The following OFD1 variants were observed in gnomAD, a reference collection of about 807,000 sequenced individuals.
The protein encoded by OFD1 is centriole and centriolar satellite protein OFD1.
A neutral mutation model predicts 81.4 loss-of-function variants in OFD1; 12 were observed. The observed-to-expected ratio is 0.15, with a 90% CI of 0.09 to 0.24. The LOEUF (loss-of-function observed/expected upper bound fraction) is 0.24, where lower values mean the gene tolerates loss of function less well. Ranked by LOEUF, OFD1 falls within the 10% of genes least tolerant of loss-of-function variation. The pLI, the probability that OFD1 is intolerant of heterozygous loss-of-function variation, is 1.00. For synonymous variants in OFD1, 256 were observed against 263.7 expected (o/e 0.97, Z 0.28); for missense variants, 685 against 733.9 (o/e 0.93, Z 0.77).
chrX:13,727,071 T>C, the OFD1 span, among the ~76,000 whole-genome samples: 4 of 112,090 alleles, frequency 3.6e-5, no homozygotes, highest in African/African-American at 1.3e-4. Context: ...CCTAAATATA[T>C]ATGCACCCAA....
At chrX:13,762,975 G>T (rs2047993929) in intron 18 of OFD1, among the ~76,000 whole-genome samples, 1 of 111,729 alleles carries the variant, frequency 9.0e-6, no homozygotes, top group Admixed American at 9.4e-5. Context: ...TCACCATATT[G>T]GCCAGGCTGG....
Position 13,749,121 on chromosome X carries a change from C to CA in OFD1, c.829-287dup, listed in dbSNP as rs35839446. ...TGTGTGACAGAGTGAGACCCTGTCTCAAAAAAAAAAAAAAAAAAATTTTTT... is the reference window on the plus strand; with the variant it reads ...TGTGTGACAGAGTGAGACCCTGTCTCAAAAAAAAAAAAAAAAAAAATTTTTT... On this transcript the variant is annotated intron_variant, in intron 8 of 22. Transcript: ENST00000340096. 0.33 allele frequency among the ~76,000 whole-genome samples: 22,614 copies of CA among 68,748 alleles called. 3,123 individuals are homozygous for CA. Among genetic ancestry groups the CA allele is most frequent in the South Asian group, 0.48 (599 of 1,256 alleles). 59.7% of individuals were successfully genotyped at this position (68,748 alleles called of 115,157 possible).
intron 21 of OFD1, among the ~76,000 whole-genome samples, chrX:13,768,440 A>G (rs1401099405): frequency 8.9e-6 from 1 of 112,417 alleles, no homozygotes; most frequent in Non-Finnish European, 1.9e-5. Flanking sequence ...GATTTAAGAG[A>G]TTTTAATTTG....
chrX:13,727,716 A>G, the OFD1 span, among the ~76,000 whole-genome samples: 1 of 112,172 alleles, frequency 8.9e-6, no homozygotes, highest in Admixed American at 9.5e-5. Flanking sequence ...AAACAAATTC[A>G]AAAGCTAGCA....
chrX:13,755,481 G>A (rs2047666157), intron 12 of OFD1, among the ~76,000 whole-genome samples: 1 of 111,510 alleles, frequency 9.0e-6, no homozygotes, highest in Non-Finnish European at 1.9e-5. Flanking sequence ...GTCTCTAACT[G>A]CTTGTGTGTC....
rs148840229 is a variant in OFD1, at chrX:13,738,595, T to C, written c.313-251T>C. 1.4e-3 allele frequency: 422 copies of C among 302,778 alleles called. 1 individual carries two copies. The highest frequency in any genetic ancestry group is 1.0e-2 in the African/African-American group (375 of 37,660). The allele number at this position is 302,778 out of a possible 1,213,427, so 25.0% of individuals were successfully genotyped here. A position where few individuals can be genotyped will look rare whatever the true frequency, so the allele number is the denominator to read the frequency against. On this transcript the variant is annotated intron_variant, in intron 3 of 22. Coordinates refer to ENST00000340096, the MANE Select transcript of OFD1 (RefSeq NM_003611.3). Reference sequence around the variant, plus strand: ...CTGTAAGGCATTAAACATTTAGGCATATCATCTTTGATGTGAAGTACTTAG... The same window carrying C: ...CTGTAAGGCATTAAACATTTAGGCACATCATCTTTGATGTGAAGTACTTAG...
chrX:13,729,582 T>C, the OFD1 span, among the ~76,000 whole-genome samples: 1 of 112,011 alleles, frequency 8.9e-6, no homozygotes, highest in Non-Finnish European at 1.9e-5. Flanking sequence ...TCCTTACACC[T>C]TATACAAAAA....
chrX:13,735,507 TAC>T (rs2046825600), intron 2 of OFD1, among the ~76,000 whole-genome samples, 161 bp downstream of exon 2: 1 of 112,740 alleles, frequency 8.9e-6, no homozygotes, highest in Non-Finnish European at 1.9e-5. Flanking sequence ...CCTGAAACAT[TAC>T]AGTCTCTTGA....
upstream of OFD1, among the ~76,000 whole-genome samples, chrX:13,730,516 T>A (rs76440382): frequency 0.29 from 31,629 of 110,791 alleles, 3,403 homozygotes; most frequent in South Asian, 0.48. Context: ...TGGCGATTCC[T>A]CAAGGATCTA....
chrX:13,761,453 T>C (rs1034728501), intron 17 of OFD1, among the ~76,000 whole-genome samples: 5 of 111,908 alleles, frequency 4.5e-5, no homozygotes, highest in African/African-American at 1.6e-4. Flanking sequence ...AAACTTGATA[T>C]ATGGACCATG....
the OFD1 span, among the ~76,000 whole-genome samples, chrX:13,719,106 G>A: frequency 9.0e-6 from 1 of 111,411 alleles, no homozygotes; most frequent in African/African-American, 3.3e-5. Flanking sequence ...GCAGTGAGCT[G>A]AGATCGTGTC....
chrX:13,761,363 T>G (rs1472018929), intron 17 of OFD1, 152 bp downstream of exon 17: 1 of 574,871 alleles, frequency 1.7e-6, no homozygotes, highest in Non-Finnish European at 2.8e-6. Context: ...CAAAATGATA[T>G]GTCATCTTTG....
intron 21 of OFD1, 144 bp from the exon 22 acceptor site, chrX:13,768,574 T>G (rs1397285653): frequency 2.7e-5 from 14 of 526,169 alleles, no homozygotes; most frequent in Non-Finnish European, 1.0e-5. Context: ...TTTATTTTGA[T>G]GTGCTTGCTA....
chrX:13,734,606 C>G (rs1369168929), upstream of OFD1: 22 of 750,695 alleles, frequency 2.9e-5, no homozygotes, highest in Non-Finnish European at 3.5e-5. Flanking sequence ...GCCAGAACGC[C>G]GAAGCAGTTC....
chrX:13,747,186 A>G (rs1208218355), intron 8 of OFD1, among the ~76,000 whole-genome samples: 6 of 112,128 alleles, frequency 5.4e-5, no homozygotes, highest in Admixed American at 4.7e-4. Flanking sequence ...AGTTGGGATT[A>G]TGAGAAACAC....
intron 17 of OFD1, among the ~76,000 whole-genome samples, chrX:13,762,123 C>T (rs2047958611): frequency 9.0e-6 from 1 of 110,701 alleles, no homozygotes; most frequent in South Asian, 3.8e-4. Flanking sequence ...AACTGTAGTA[C>T]CTACTTCACA....
chrX:13,716,523 G>A, the OFD1 span: 15 of 1,211,392 alleles, frequency 1.2e-5, no homozygotes, highest in Non-Finnish European at 1.7e-5. Flanking sequence ...TTACTAAGAA[G>A]GTAAGGATAT....
intron 20 of OFD1, 99 bp from the exon 21 acceptor site, chrX:13,767,955 G>A (rs1299066391): frequency 1.2e-6 from 1 of 850,566 alleles, no homozygotes; most frequent in Non-Finnish European, 1.7e-6. Flanking sequence ...CATACAGGCT[G>A]TACTTGAAGG....
At chrX:13,735,719 A>G (rs1329230168) in intron 2 of OFD1, among the ~76,000 whole-genome samples, 2 of 112,322 alleles carry the variant, frequency 1.8e-5, no homozygotes, top group Non-Finnish European at 3.8e-5. Context: ...CATTGACACC[A>G]TATAGAAAAT....
Sources: gnomAD v4.1 joint callset for allele counts (sites outside exome capture counted in the v4.1 genomes callset) on GRCh38, gnomAD v4.1.1 for gene constraint, MANE v1.5 for transcripts, NCBI Gene and HGNC (gene_info 2026-07-23, HGNC 2026-07-21) for gene names.